Variants in MCC observed in about 807,000 individuals in gnomAD.
The protein encoded by MCC is colorectal mutant cancer protein.
MCC carries 90 observed loss-of-function variants against 116.2 expected under a neutral mutation model. The observed-to-expected ratio is 0.77, with a 90% CI of 0.65 to 0.92. The LOEUF is 0.92. Among genes scored for constraint, MCC ranks in the 40% least tolerant of loss-of-function variants. The probability of loss-of-function intolerance (pLI) is 0.00; values close to 1 mark genes in which losing one functional copy is unlikely to be tolerated. For missense variants in MCC, 1,516 were observed against 1,312.2 expected, an observed-to-expected ratio of 1.16 and a Z score of -2.40; for synonymous variants, 578 against 510.5, an observed-to-expected ratio of 1.13 and a Z score of -1.78.
chr5:113,333,838 T>TATATAC lies in MCC; in HGVS notation c.627+6680_627+6681insGTATAT, dbSNP rs1212085070. Among the ~76,000 whole-genome samples the TATATAC allele has an allele frequency of 1.4e-3, 41 of 28,824 alleles. 4 individuals carry two copies. The highest frequency in any genetic ancestry group is 3.7e-3 in the Non-Finnish European group (35 of 9,382). The allele number at this position is 28,824 out of a possible 152,430, so 18.9% of individuals were successfully genotyped here. On this transcript the variant is annotated intron_variant, in intron 3 of 18. Coordinates refer to ENST00000408903, the MANE Select transcript of MCC (RefSeq NM_001085377.2). ...ATATGTACATATATGTATATATGTA[T>TATATAC]ATATGTATATATGTACATATATGTA...
chr5:113,027,606 C>G, intron 18 of MCC, 124 bp from the exon 19 acceptor site: 1 of 887,530 alleles, frequency 1.1e-6, no homozygotes, highest in Non-Finnish European at 1.8e-6. Context: ...TCATCCTCTT[C>G]GGTAAGAATC....
chr5:113,284,839 T>C (rs1766182661), intron 3 of MCC, among the ~76,000 whole-genome samples: 1 of 152,222 alleles, frequency 6.6e-6, no homozygotes, highest in South Asian at 2.1e-4. Flanking sequence ...TATAAATCAA[T>C]AAATTGATAT....
chr5:113,114,348 G>T (rs1757274976), intron 6 of MCC, among the ~76,000 whole-genome samples: 1 of 152,212 alleles, frequency 6.6e-6, no homozygotes, highest in Admixed American at 6.5e-5. Flanking sequence ...TCTCAGTGCA[G>T]CCACCAGAAC....
At chr5:113,393,096 C>G (rs550114280) in intron 1 of MCC, among the ~76,000 whole-genome samples, 4 of 152,098 alleles carry the variant, frequency 2.6e-5, no homozygotes, top group Admixed American at 2.6e-4. Context: ...GTAATAAAAA[C>G]AAGGTCAAGA....
chr5:113,483,830 G>C (rs6861582), intron 1 of MCC, among the ~76,000 whole-genome samples: 12 of 152,060 alleles, frequency 7.9e-5, no homozygotes, highest in African/African-American at 2.9e-4. Flanking sequence ...AAGAAAGTGT[G>C]GTATGTATAT....
intron 1 of MCC, among the ~76,000 whole-genome samples, chr5:113,464,691 C>T (rs773175493): frequency 6.6e-6 from 1 of 151,786 alleles, no homozygotes; most frequent in Non-Finnish European, 1.5e-5. Context: ...ATTCTCAATG[C>T]TTAGAAGAGT....
intron 3 of MCC, among the ~76,000 whole-genome samples, chr5:113,242,949 G>C (rs987710615): frequency 6.6e-6 from 1 of 152,218 alleles, no homozygotes; most frequent in Non-Finnish European, 1.5e-5. Flanking sequence ...GTGAGAGCGA[G>C]ATCATCAGGC....
intron 5 of MCC, among the ~76,000 whole-genome samples, chr5:113,124,994 G>C (rs1451164038): frequency 1.3e-5 from 2 of 152,192 alleles, no homozygotes; most frequent in Non-Finnish European, 2.9e-5. Flanking sequence ...CACAAGTGTG[G>C]AATAGCACAG....
At chr5:113,324,157 G>C (rs950725833) in intron 3 of MCC, among the ~76,000 whole-genome samples, 5 of 152,036 alleles carry the variant, frequency 3.3e-5, no homozygotes, top group Non-Finnish European at 4.4e-5. Context: ...GGTTTCTATA[G>C]AACCCCAGAA....
At chr5:113,100,778 T>C (rs1470012566) in intron 8 of MCC, among the ~76,000 whole-genome samples, 2 of 152,202 alleles carry the variant, frequency 1.3e-5, no homozygotes, top group Non-Finnish European at 2.9e-5. Flanking sequence ...GCCAGTATTT[T>C]TCCCCTTCTA....
chr5:113,250,680 G>A (rs1390903163), intron 3 of MCC, among the ~76,000 whole-genome samples: 1 of 152,206 alleles, frequency 6.6e-6, no homozygotes, highest in Admixed American at 6.5e-5. Flanking sequence ...TGTAAGTGGT[G>A]TGGGGAATTC....
intron 3 of MCC, among the ~76,000 whole-genome samples, chr5:113,334,625 C>G (rs1286406657): frequency 1.4e-5 from 2 of 139,518 alleles, no homozygotes; most frequent in African/African-American, 5.6e-5. Flanking sequence ...CAGTCTCGCT[C>G]TGTCGCCCAG....
intron 11 of MCC, among the ~76,000 whole-genome samples, chr5:113,074,005 C>A (rs546821283): frequency 6.6e-6 from 1 of 152,298 alleles, no homozygotes; most frequent in African/African-American, 2.4e-5. Context: ...CTTAAAAGTC[C>A]CTGTCTGACA....
intron 1 of MCC, among the ~76,000 whole-genome samples, chr5:113,471,969 G>A (rs1006207894): frequency 2.6e-5 from 4 of 152,104 alleles, no homozygotes; most frequent in African/African-American, 9.7e-5. Flanking sequence ...AGCCAGGTGA[G>A]GGATATAATC....
intron 2 of MCC, among the ~76,000 whole-genome samples, chr5:113,370,190 G>C (rs899850361): frequency 1.3e-5 from 2 of 152,162 alleles, no homozygotes; most frequent in African/African-American, 4.8e-5. Flanking sequence ...TGACGTAGCA[G>C]AACCCTCATA....
chr5:113,057,943 G>C (rs1179798589), intron 14 of MCC, among the ~76,000 whole-genome samples: 4 of 152,258 alleles, frequency 2.6e-5, no homozygotes, highest in Non-Finnish European at 5.9e-5. Context: ...GCAGACAGCA[G>C]CACTTCTCTT....
intron 5 of MCC, among the ~76,000 whole-genome samples, chr5:113,141,554 G>C (rs1411476710): frequency 6.6e-6 from 1 of 152,304 alleles, no homozygotes; most frequent in East Asian, 1.9e-4. Context: ...CTAAGCCTCA[G>C]GAGCTCAGAG....
chr5:113,180,748 TA>T (rs1761586506), intron 3 of MCC, among the ~76,000 whole-genome samples: 1 of 152,230 alleles, frequency 6.6e-6, no homozygotes, highest in Admixed American at 6.5e-5. Context: ...CAGAGAATAT[TA>T]AAACATTAAT....
rs1328791321 is a variant in MCC at position 113,023,358 on chromosome 5, C to T, written c.*3944G>A. 6.6e-6 allele frequency: 1 copy of T among 152,232 alleles called. No homozygotes were observed. The highest frequency in any genetic ancestry group is 1.5e-5 in the Non-Finnish European group (1 of 68,044). 9.4% of individuals were successfully genotyped at this position (152,232 alleles called of 1,614,324 possible). A position where few individuals can be genotyped will look rare whatever the true frequency, so the allele number is the denominator to read the frequency against. ...TCAAAGGTGAATCAAACTTGTATAT[C>T]ATTCCTTGTCAAATAGGCTGTTCCC... On this transcript the variant is annotated 3_prime_UTR_variant, in exon 19 of 19. Coordinates refer to ENST00000408903, the MANE Select transcript of MCC (RefSeq NM_001085377.2).
Sources: allele counts gnomAD v4.1 joint callset (sites outside exome capture counted in the v4.1 genomes callset), GRCh38; gene constraint gnomAD v4.1.1; transcripts MANE v1.5; gene names NCBI Gene and HGNC (gene_info 2026-07-23, HGNC 2026-07-21).